MYH7B: variants seen among roughly 807,000 people sequenced by gnomAD.
MYH7B encodes myosin-7B.
MYH7B carries 205 observed loss-of-function variants against 234.5 expected under a neutral mutation model. The ratio of observed to expected loss-of-function variants is 0.87; its 90% CI spans 0.78 to 0.98. MYH7B has a LOEUF of 0.98. Among genes scored for constraint, MYH7B ranks in the 50% least tolerant of loss-of-function variants. The pLI is 0.00. For missense variants in MYH7B, 2,652 were observed against 2,633.4 expected (o/e 1.01, Z -0.15); for synonymous variants, 1,193 against 1,105.0 (o/e 1.08, Z -1.58).
At chr20:34,985,459 G>A (rs749010164) in intron 13 of MYH7B, among the ~76,000 whole-genome samples, 15 of 152,050 alleles carry the variant, frequency 9.9e-5, no homozygotes, top group African/African-American at 1.2e-4. Context: ...CACCCCTAGC[G>A]TGTCCCCAGT....
chr20:34,967,311 GA>G (rs1284865740), intron 2 of MYH7B, among the ~76,000 whole-genome samples: 2 of 151,886 alleles, frequency 1.3e-5, no homozygotes, highest in African/African-American at 2.4e-5. Flanking sequence ...TCAGCCCATG[GA>G]AAAAAAATCT....
chr20:34,999,587 C>G (rs1450020978), exon 37 of MYH7B: 2 of 1,610,976 alleles, frequency 1.2e-6, no homozygotes, highest in East Asian at 2.2e-5. Flanking sequence ...TCAGCGACCT[C>G]ACAGACCAGG....
rs8118230 is a variant in MYH7B, at chr20:34,960,328, C to T, written c.-222+2116C>T. Among the ~76,000 whole-genome samples the T allele has an allele frequency of 4.1e-3, 625 of 152,258 alleles. 5 individuals are homozygous for T. Among genetic ancestry groups the T allele is most frequent in the Admixed American group, 0.013 (204 of 15,296 alleles). ...TTGGCTCACTGCAAGCTCCGCCTCCCGTGTTCATGCCATTCTCCTACCTCA... is the reference window on the plus strand; with the variant it reads ...TTGGCTCACTGCAAGCTCCGCCTCCTGTGTTCATGCCATTCTCCTACCTCA... On this transcript the variant is annotated intron_variant, in intron 2 of 44. Coordinates refer to ENST00000262873, the Ensembl canonical transcript of MYH7B.
At position 34,975,434 on chromosome 20, in the gene MYH7B, T is replaced by TG; in HGVS notation, c.-186dup. On this transcript the variant is annotated 5_prime_UTR_variant, in exon 3 of 45. It removes the in-frame stop codon of an upstream open reading frame in the 5' UTR. Coordinates refer to ENST00000262873, the Ensembl canonical transcript of MYH7B. ...TTTGATGTGTTGCCCAGGCTGGTCT[T>TG]GAACTCCTGAGCTTAAGTGATGTGT... is the stretch of plus-strand genomic sequence containing the variant. The TG allele has an allele frequency of 1.5e-6, 1 of 674,464 alleles. No individual in the cohort carries two copies. 41.8% of individuals were successfully genotyped at this position (674,464 alleles called of 1,614,324 possible).
chr20:34,979,811 C>T lies in MYH7B; in HGVS notation c.342+7C>T. 1.2e-6 allele frequency: 2 copies of T among 1,612,358 alleles called. No homozygotes were observed. The highest frequency in any genetic ancestry group is 1.7e-6 in the Non-Finnish European group (2 of 1,179,418). On this transcript the variant is annotated splice_region_variant and intron_variant, in intron 7 of 44. Transcript: ENST00000262873. ...TGCCCGCTGGATGATCTATGTGAGC[C>T]CCAGGCCCGGGCCATGGGCGGGGTG...
chr20:34,987,731 G>C, intron 17 of MYH7B, 34 bp from the exon 18 acceptor site: 1 of 1,613,614 alleles, frequency 6.2e-7, no homozygotes, highest in Non-Finnish European at 8.5e-7. Context: ...TCCCCTCCTT[G>C]CCAGGTCCCA....
At chr20:34,986,464 C>G (rs994226534) in intron 14 of MYH7B, among the ~76,000 whole-genome samples, 1 of 152,250 alleles carries the variant, frequency 6.6e-6, no homozygotes, top group Non-Finnish European at 1.5e-5. Flanking sequence ...AGGTCCCACC[C>G]AGCACCAAGG....
exon 26 of MYH7B, chr20:34,993,391 G>A: frequency 6.2e-7 from 1 of 1,613,610 alleles, no homozygotes; most frequent in Non-Finnish European, 8.5e-7. Context: ...CCAGCGCCTG[G>A]CCAAGGTGCT....
intron 10 of MYH7B, among the ~76,000 whole-genome samples, chr20:34,982,877 T>G (rs897872904): frequency 1.8e-4 from 27 of 152,232 alleles, no homozygotes; most frequent in African/African-American, 6.3e-4. Context: ...ATGGGCTGCT[T>G]TTACTAAGCG....
In MYH7B at chr20:34,982,568, C is replaced by A; in HGVS notation, c.624+13C>A. 1 of 1,573,786 alleles carries A rather than the reference C, an allele frequency of 6.4e-7. No homozygotes were observed. The highest frequency in any genetic ancestry group is 8.7e-7 in the Non-Finnish European group (1 of 1,155,194). ...GGGCAAGAAGGCCGTAAGACTTGCC[C>A]ACTCGGGCATGCTCCCCGTTGCTTC... On this transcript the variant is annotated intron_variant, in intron 10 of 44. Transcript: ENST00000262873.
chr20:34,994,498 T>G, intron 27 of MYH7B, 97 bp downstream of exon 27: 1 of 1,376,524 alleles, frequency 7.3e-7, no homozygotes, highest in Non-Finnish European at 9.7e-7. Context: ...GGCTCAGGCC[T>G]TATGTCTCTC....
chr20:34,960,851 A>G lies in MYH7B; in HGVS notation c.-222+2639A>G, dbSNP rs1246904794. 2.6e-5 allele frequency among the ~76,000 whole-genome samples: 4 copies of G among 152,188 alleles called. No individual in the cohort carries two copies. The East Asian group carries it at 7.7e-4, about 29-fold the overall frequency. ...ATGCTAGGCCTGTCCCTGACACTTT[A>G]TATGTGTTATCTCATTTACACCCCC... On this transcript the variant is annotated intron_variant, in intron 2 of 44. Transcript: ENST00000262873.
chr20:34,982,410 G>T (rs752503953), intron 9 of MYH7B, 49 bp from the exon 10 acceptor site: 4 of 1,544,342 alleles, frequency 2.6e-6, no homozygotes, highest in Non-Finnish European at 2.7e-6. Context: ...GGGGGTGGGG[G>T]AGAATTAGGC....
chr20:34,977,451 G>A (rs985253434), intron 3 of MYH7B, among the ~76,000 whole-genome samples, 181 bp from the exon 4 acceptor site: 8 of 152,078 alleles, frequency 5.3e-5, no homozygotes, highest in African/African-American at 1.9e-4. Context: ...CAGCCTCCCT[G>A]TCTCTCAGTG....
rs185297335 is a variant in MYH7B, at chr20:34,990,777, C to T, written c.2017C>T (p.Gln673Ter). ...GCTGATGACCAACCTGCGGGCCACACAGCCCCACTTCGTCCGCTGCATTGT... is the reference window on the plus strand; with the variant it reads ...GCTGATGACCAACCTGCGGGCCACATAGCCCCACTTCGTCCGCTGCATTGT... The change falls in exon 23 of 45, where the codon CAG becomes TAG. Residue 673 changes from glutamine to a stop codon, truncating the protein, a stop_gained. Transcript: ENST00000262873. LOFTEE classifies it high-confidence loss of function. The T allele has an allele frequency of 1.0e-4, 163 of 1,614,218 alleles. No individual in the cohort carries two copies. Among genetic ancestry groups the T allele is most frequent in the Non-Finnish European group, 1.3e-4 (156 of 1,180,032 alleles).
intron 26 of MYH7B, among the ~76,000 whole-genome samples, chr20:34,993,878 C>A (rs2082203409): frequency 6.6e-6 from 1 of 152,248 alleles, no homozygotes. Flanking sequence ...TCAGCCCAGG[C>A]CGCTGACTCC....
At position 34,999,442 on chromosome 20, in the gene MYH7B, C is replaced by T. The variant is rs73905035; in HGVS notation, c.4540+37C>T. The T allele has an allele frequency of 6.5e-3, 9,907 of 1,515,814 alleles. 573 individuals carry two copies. The African/African-American group carries it at 0.12, about 19-fold the overall frequency. 93.9% of individuals were successfully genotyped at this position (1,515,814 alleles called of 1,614,324 possible). On this transcript the variant is annotated intron_variant, in intron 36 of 44. Coordinates refer to ENST00000262873, the Ensembl canonical transcript of MYH7B. ...CACACGCCAGGGCCAGGGTGCTGCC[C>T]TGGGGTCGGAGCAACTTTGAGTTAT...
At chr20:34,979,463 G>T in exon 6 of MYH7B, 1 of 1,613,870 alleles carries the variant, frequency 6.2e-7, no homozygotes, top group Non-Finnish European at 8.5e-7. Flanking sequence ...AGGCTACCGG[G>T]GGCAGAGTCA....
chr20:34,993,286 A>C, intron 25 of MYH7B, 48 bp from the exon 26 acceptor site: 2 of 1,613,992 alleles, frequency 1.2e-6, no homozygotes, highest in Non-Finnish European at 1.7e-6. Flanking sequence ...GGCAGGGTTC[A>C]TGCGGATGGT....
Sources: allele counts gnomAD v4.1 joint callset (sites outside exome capture counted in the v4.1 genomes callset), GRCh38; gene constraint gnomAD v4.1.1; transcripts MANE v1.5; gene names NCBI Gene and HGNC (gene_info 2026-07-23, HGNC 2026-07-21).